ERLEC1: variants seen among roughly 807,000 people sequenced by gnomAD.
ERLEC1 encodes the protein ER lectin.
In ERLEC1, 47 loss-of-function variants were observed where a neutral mutation model predicts 68.0. That is an observed-to-expected ratio of 0.69 (90% CI 0.55 to 0.88). ERLEC1 has a LOEUF of 0.88. Among genes scored for constraint, ERLEC1 ranks in the 40% least tolerant of loss-of-function variants. The pLI is 0.00. For missense variants in ERLEC1, 567 were observed against 583.8 expected, an observed-to-expected ratio of 0.97 and a Z score of 0.30; for synonymous variants, 225 against 203.2, an observed-to-expected ratio of 1.11 and a Z score of -0.91.
At chr2:53,801,285 G>A in intron 6 of ERLEC1, 112 bp from the exon 7 acceptor site, 1 of 672,046 alleles carries the variant, frequency 1.5e-6, no homozygotes, top group Non-Finnish European at 2.5e-6. Flanking sequence ...TTACCTTTCA[G>A]TTAATTAGTA....
chr2:53,798,087 T>A (rs1165713254), intron 5 of ERLEC1, among the ~76,000 whole-genome samples: 1 of 151,898 alleles, frequency 6.6e-6, no homozygotes, highest in African/African-American at 2.4e-5. Context: ...CCCAGCTACT[T>A]GGGAGGCTGA....
In ERLEC1 at chr2:53,790,015, CAAA is replaced by C. The variant is rs751868369; in HGVS notation, c.162+2657_162+2659del. On this transcript the variant is annotated intron_variant, in intron 1 of 13. Transcript: ENST00000185150. The stretch of plus-strand genomic sequence containing the variant: ...TCCTGGGCGACAGAGGAGTCTGTCT[CAAA>C]AAAAAAAAAAAAAGAAAAGAAAAGA... Among the ~76,000 whole-genome samples, 15 of 85,946 alleles carry C rather than the reference CAAA, an allele frequency of 1.7e-4. No individual in the cohort carries two copies. The East Asian group carries it at 2.9e-3, about 17-fold the overall frequency. 56.4% of individuals were successfully genotyped at this position (85,946 alleles called of 152,430 possible). A position where few individuals can be genotyped will look rare whatever the true frequency, so the allele number is the denominator to read the frequency against.
In ERLEC1 at chr2:53,818,037, C is replaced by A. The variant is rs745440041; in HGVS notation, c.*68C>A. On this transcript the variant is annotated 3_prime_UTR_variant, in exon 14 of 14. Coordinates refer to ENST00000185150, the MANE Select transcript of ERLEC1 (RefSeq NM_015701.5). ...TGATAATTTCTGTCCCACTGTGTCT[C>A]ATTATAGAGTTCTCAGCCATTGGAC... The A allele has an allele frequency of 3.1e-5, 32 of 1,034,768 alleles. No individual in the cohort carries two copies. The African/African-American group carries it at 4.7e-4, about 15-fold the overall frequency. The allele number at this position is 1,034,768 out of a possible 1,614,324, so 64.1% of individuals were successfully genotyped here.
chr2:53,816,429 C>T (rs539765325), intron 13 of ERLEC1, among the ~76,000 whole-genome samples: 150 of 151,852 alleles, frequency 9.9e-4, no homozygotes, highest in Admixed American at 2.1e-3. Flanking sequence ...GTACCACGTC[C>T]GGCTAATTTT....
chr2:53,811,209 G>A (rs1239966328), intron 10 of ERLEC1, among the ~76,000 whole-genome samples: 1 of 152,198 alleles, frequency 6.6e-6, no homozygotes, highest in East Asian at 1.9e-4. Context: ...CTGTACCACA[G>A]TGTATTTAAC....
intron 1 of ERLEC1, among the ~76,000 whole-genome samples, chr2:53,793,392 C>T (rs1407044200): frequency 6.6e-6 from 1 of 152,166 alleles, no homozygotes; most frequent in Non-Finnish European, 1.5e-5. Flanking sequence ...ATTGCGCTGT[C>T]CCACCACATA....
chr2:53,803,260 CTG>C (rs1234488916), intron 8 of ERLEC1, among the ~76,000 whole-genome samples: 1 of 152,198 alleles, frequency 6.6e-6, no homozygotes, highest in African/African-American at 2.4e-5. Flanking sequence ...GTGACCAACA[CTG>C]TCATTCTGAT....
rs990561465 is a variant in ERLEC1 at position 53,787,232 on chromosome 2, G to T, written c.22G>T (p.Val8Leu). The T allele has an allele frequency of 4.4e-6, 7 of 1,604,888 alleles. No homozygotes were observed. The highest frequency in any genetic ancestry group is 1.1e-5 in the South Asian group (1 of 90,972). MEEGGGG[V>L]RSLVPGGPVL... ...GAGGATGGAGGAAGGAGGCGGCGGC[G>T]TACGGAGTCTGGTCCCGGGCGGGCC... is the stretch of plus-strand genomic sequence containing the variant. The change falls in exon 1 of 14, where the codon GTA (valine) becomes TTA (leucine). Residue 8 changes from valine (V) to leucine (L), a missense_variant. Transcript: ENST00000185150.
chr2:53,817,279 A>G (rs1256331305), intron 13 of ERLEC1, among the ~76,000 whole-genome samples: 1 of 151,898 alleles, frequency 6.6e-6, no homozygotes, highest in East Asian at 1.9e-4. Context: ...GACTACAGGC[A>G]TGTCCCACCA....
At chr2:53,804,653 AG>A (rs1354837256) in intron 8 of ERLEC1, among the ~76,000 whole-genome samples, 1 of 152,148 alleles carries the variant, frequency 6.6e-6, no homozygotes, top group African/African-American at 2.4e-5. Context: ...CATCCCCTCA[AG>A]CATTTGTCCT....
At chr2:53,804,020 A>T (rs1367378175) in intron 8 of ERLEC1, among the ~76,000 whole-genome samples, 2 of 152,164 alleles carry the variant, frequency 1.3e-5, no homozygotes, top group Admixed American at 1.3e-4. Flanking sequence ...AGTCCCAGCT[A>T]CTCGGGAGGA....
At chr2:53,807,844 AAACAACAACAACAAC>A (rs113620205) in intron 8 of ERLEC1, among the ~76,000 whole-genome samples, 58 of 150,514 alleles carry the variant, frequency 3.9e-4, no homozygotes, top group Admixed American at 3.5e-3. Context: ...TCTGTACTGA[AAACAACAACAACAAC>A]AACAACAACA....
At chr2:53,817,858 A>G (rs1206912821) in intron 13 of ERLEC1, 40 bp from the exon 14 acceptor site, 1 of 1,290,462 alleles carries the variant, frequency 7.7e-7, no homozygotes, top group South Asian at 1.2e-5. Flanking sequence ...AAAAGTATTC[A>G]GCTTAGCAAC....
At chr2:53,808,580 TC>T in intron 9 of ERLEC1, 120 bp downstream of exon 9, 1 of 932,512 alleles carries the variant, frequency 1.1e-6, no homozygotes, top group Non-Finnish European at 1.6e-6. Flanking sequence ...GATCCTTTCA[TC>T]CCCAAAGAAC....
rs1676023762 is a variant in ERLEC1, at chr2:53,801,845, A to G, written c.879+3A>G. On this transcript the variant is annotated splice_donor_region_variant and intron_variant, in intron 8 of 13. Transcript: ENST00000185150. The stretch of plus-strand genomic sequence containing the variant: ...TGCCTTTTAGGAGAAATAAAGAGGT[A>G]TGAGAATTGTCTAATGATAGCTTTT... 1 of 1,611,616 alleles carries G rather than the reference A, an allele frequency of 6.2e-7. No individual in the cohort carries two copies. The highest frequency in any genetic ancestry group is 8.5e-7 in the Non-Finnish European group (1 of 1,178,866).
intron 2 of ERLEC1, among the ~76,000 whole-genome samples, 198 bp downstream of exon 2, chr2:53,794,647 TTTTTA>T (rs1244896607): frequency 6.6e-6 from 1 of 152,214 alleles, no homozygotes; most frequent in Non-Finnish European, 1.5e-5. Flanking sequence ...AATCAATTTT[TTTTTA>T]TTTTATTTAT....
rs760829374 is a variant in ERLEC1, at chr2:53,796,025, A to G, written c.348+12A>G. On this transcript the variant is annotated intron_variant, in intron 3 of 13. Coordinates refer to ENST00000185150, the MANE Select transcript of ERLEC1 (RefSeq NM_015701.5). ...GTTGTTCCTACAGAGTATGTATTTT[A>G]TGTTTACTTGATGACTAGAAAATAG... is the stretch of plus-strand genomic sequence containing the variant. The G allele has an allele frequency of 3.2e-6, 5 of 1,543,890 alleles. No homozygotes were observed. The highest frequency in any genetic ancestry group is 4.4e-6 in the Non-Finnish European group (5 of 1,136,790).
At position 53,808,972 on chromosome 2, in the gene ERLEC1, A is replaced by G. The variant is rs569491576; in HGVS notation, c.1042-242A>G. On this transcript the variant is annotated intron_variant, in intron 9 of 13. Coordinates refer to ENST00000185150, the MANE Select transcript of ERLEC1 (RefSeq NM_015701.5). ...GTTAAAAATTTTGACCCTGACTCTT[A>G]GTACTAGTGGGAAATACAGTTACTA... Among the ~76,000 whole-genome samples the G allele has an allele frequency of 3.3e-5, 5 of 152,330 alleles. No individual in the cohort carries two copies. In the East Asian group the frequency reaches 9.6e-4, roughly 29 times the overall value.
chr2:53,813,170 C>T, intron 11 of ERLEC1, 97 bp downstream of exon 11: 3 of 1,431,454 alleles, frequency 2.1e-6, no homozygotes, highest in Non-Finnish European at 2.8e-6. Context: ...TAAGTAAAAT[C>T]CCTGTTTAGT....
Sources: gnomAD v4.1 joint callset for allele counts (sites outside exome capture counted in the v4.1 genomes callset) on GRCh38, gnomAD v4.1.1 for gene constraint, MANE v1.5 for transcripts, NCBI Gene and HGNC (gene_info 2026-07-23, HGNC 2026-07-21) for gene names.